Variants in MAN2C1 observed in about 807,000 individuals in gnomAD.
MAN2C1 encodes the protein mannosidase alpha class 2C member 1.
MAN2C1 carries 111 observed loss-of-function variants against 126.9 expected under a neutral mutation model. The observed-to-expected ratio is 0.87, with a 90% CI of 0.75 to 1.02. The LOEUF (loss-of-function observed/expected upper bound fraction) is 1.02, where lower values mean the gene tolerates loss of function less well. MAN2C1 is among the 50% of genes least tolerant of loss of function. MAN2C1 has a pLI of 0.00. For synonymous variants in MAN2C1, 567 were observed against 561.5 expected (o/e 1.01, Z -0.14); for missense variants, 1,363 against 1,364.4 (o/e 1.00, Z 0.02).
chr15:75,360,962 G>A, intron 12 of MAN2C1, 84 bp downstream of exon 12: 2 of 1,491,012 alleles, frequency 1.3e-6, no homozygotes, highest in East Asian at 4.9e-5. Context: ...CCAGAGGAGG[G>A]GTTGGGCCCA....
intron 6 of MAN2C1, chr15:75,363,308 T>C (rs2072512912): frequency 2.2e-6 from 1 of 456,044 alleles, no homozygotes; most frequent in Admixed American, 2.3e-5. Flanking sequence ...AAAATGTGGA[T>C]TTCCCGTAAA....
intron 1 of MAN2C1, 125 bp from the exon 2 acceptor site, chr15:75,368,323 GCA>G (rs963184327): frequency 5.4e-5 from 79 of 1,454,816 alleles, no homozygotes; most frequent in Non-Finnish European, 6.8e-5. Context: ...CCGCTCCGCG[GCA>G]CAGTCCATTC....
rs760389382 is a variant in MAN2C1, at chr15:75,361,113, C to T, written c.1393G>A (p.Gly465Ser). 4 of 1,612,958 alleles carry T rather than the reference C, an allele frequency of 2.5e-6. No individual in the cohort carries two copies. In the African/African-American group the frequency reaches 5.3e-5, roughly 22 times the overall value. The change falls in exon 12 of 26, where the codon GGT (glycine) becomes AGT (serine). Residue 465 changes from glycine (G) to serine (S), a missense_variant. Physicochemically the swap from Gly to Ser is moderately conservative, Grantham distance 56. Transcript: ENST00000267978. This position sits in a 1 kb window ranked among gnomAD's most constrained non-coding sequence, Gnocchi z 5.0. ...AGCATGGTCTGGGTGGGGCCACCAC[C>T]CCCATCCCCAAAGCCAAAGAGGAAG... ...SAFLFGFGDG[G>S]GGPTQTMLDR...
At position 75,362,716 on chromosome 15, in the gene MAN2C1, T is replaced by G; in HGVS notation, c.823A>C (p.Lys275Gln). 6.2e-7 allele frequency: 1 copy of G among 1,614,104 alleles called. No individual in the cohort carries two copies. The highest frequency in any genetic ancestry group is 8.5e-7 in the Non-Finnish European group (1 of 1,180,000). The change falls in exon 7 of 26, where the codon AAA (lysine) becomes CAA (glutamine). Residue 275 changes from lysine to glutamine, a missense_variant. By Grantham distance (53) the Lys-to-Gln change is moderately conservative. Coordinates refer to ENST00000267978, the MANE Select transcript of MAN2C1 (RefSeq NM_006715.4). The surrounding 1 kb of genome is among the most constrained non-coding windows in gnomAD (Gnocchi z 4.5). Reference protein sequence around the residue: ...WLWPFKETVRKCARSWVTALQ... With the variant: ...WLWPFKETVRQCARSWVTALQ... ...GCGGTCACCCAGCTCCGGGCACATTTCCTCACAGTCTCTTTGAAGGGCCAA... is the reference window on the plus strand; with the variant it reads ...GCGGTCACCCAGCTCCGGGCACATTGCCTCACAGTCTCTTTGAAGGGCCAA...
rs1243683105 is a variant in MAN2C1, at chr15:75,362,649, C to T, written c.890G>A (p.Cys297Tyr). 3 of 1,614,010 alleles carry T rather than the reference C, an allele frequency of 1.9e-6. No individual in the cohort carries two copies. The highest frequency in any genetic ancestry group is 1.7e-5 in the Admixed American group (1 of 60,022). The change falls in exon 7 of 26, where the codon TGC becomes TAC. Residue 297 changes from cysteine (C) to tyrosine (Y), a missense_variant. Cys to Tyr is a radical substitution (Grantham distance 194). This residue lies in a region of MAN2C1 where 628 missense variants were observed against 609.8 expected (regional missense o/e 1.03). Coordinates refer to ENST00000267978, the MANE Select transcript of MAN2C1 (RefSeq NM_006715.4). This position sits in a 1 kb window ranked among gnomAD's most constrained non-coding sequence, Gnocchi z 4.5. ...CACAGCTGTCCCTCTGACCTGGGAG[C>T]AGGCAAAGATGAACTCAGGGTTCCG... ...MERNPEFIFA[C>Y]SQAQQLEWVK...
Position 75,356,981 on chromosome 15 carries a change from G to T in MAN2C1, c.2548-79C>A. The T allele has an allele frequency of 1.7e-6, 2 of 1,189,844 alleles. No individual in the cohort carries two copies. The highest frequency in any genetic ancestry group is 1.2e-6 in the Non-Finnish European group (1 of 811,392). The allele number at this position is 1,189,844 out of a possible 1,614,324, so 73.7% of individuals were successfully genotyped here. ...CCAGACTCCAGAGCTCCTGTCACTAGGCCGAGCACAAGCTCTAGAACCACA... is the reference window on the plus strand; with the variant it reads ...CCAGACTCCAGAGCTCCTGTCACTATGCCGAGCACAAGCTCTAGAACCACA... On this transcript the variant is annotated intron_variant, in intron 21 of 25. Transcript: ENST00000267978. This position sits in a 1 kb window ranked among gnomAD's most constrained non-coding sequence, Gnocchi z 5.8.
At chr15:75,358,111 A>C in intron 21 of MAN2C1, 90 bp downstream of exon 21, 1 of 1,504,988 alleles carries the variant, frequency 6.6e-7, no homozygotes, top group Admixed American at 1.7e-5. Context: ...GCAAATGTTG[A>C]TTATCCTCTT....
rs141792967 is a variant in MAN2C1 at position 75,364,541 on chromosome 15, G to A, written c.547C>T (p.Arg183Trp). The A allele has an allele frequency of 3.5e-5, 56 of 1,608,120 alleles. No homozygotes were observed. Among genetic ancestry groups the A allele is most frequent in the East Asian group, 6.7e-5 (3 of 44,554 alleles). ...LSRAELAVFH[R>W]DVHMLLVDLE... The stretch of plus-strand genomic sequence containing the variant: ...TCCACCAGGAGCATGTGGACATCCC[G>A]GTGGAACACAGCTAGCTCAGCCCGG... The change falls in exon 5 of 26, where the codon CGG (arginine) becomes TGG (tryptophan). Residue 183 changes from arginine (R) to tryptophan (W), a missense_variant. By Grantham distance (101) the Arg-to-Trp change is moderately radical. Coordinates refer to ENST00000267978, the MANE Select transcript of MAN2C1 (RefSeq NM_006715.4).
intron 18 of MAN2C1, 121 bp from the exon 19 acceptor site, chr15:75,358,929 T>G: frequency 7.0e-7 from 1 of 1,429,272 alleles, no homozygotes; most frequent in Non-Finnish European, 9.7e-7. Context: ...CAGCCTGCCC[T>G]GCTCCATGTG....
intron 6 of MAN2C1, chr15:75,363,303 G>A (rs1238034139): frequency 2.2e-6 from 1 of 456,092 alleles, no homozygotes; most frequent in Admixed American, 2.3e-5. Flanking sequence ...TGTTAAAAAT[G>A]TGGATTTCCC....
chr15:75,358,741 C>G lies in MAN2C1; in HGVS notation c.2209G>C (p.Asp737His). The change falls in exon 19 of 26, where the codon GAT (aspartate) becomes CAT (histidine). Residue 737 changes from aspartate (D) to histidine (H), a missense_variant. By Grantham distance (81) the Asp-to-His change is moderately conservative. This residue lies in a region of MAN2C1 where 668 missense variants were observed against 650.1 expected (regional missense o/e 1.03). Transcript: ENST00000267978. ...TGGTAGTCCATGACGTCCCATGCAT[C>G]CCAGTACAAGGGGACATCATCAAAT... is the stretch of plus-strand genomic sequence containing the variant. ...VLFDDVPLYW[D>H]AWDVMDYHLE... The G allele has an allele frequency of 2.5e-6, 4 of 1,608,102 alleles. No homozygotes were observed. Among genetic ancestry groups the G allele is most frequent in the Non-Finnish European group, 3.4e-6 (4 of 1,175,994 alleles).
Position 75,358,746 on chromosome 15 carries a change from T to C in MAN2C1, c.2204A>G (p.Tyr735Cys), listed in dbSNP as rs202052221. 9.3e-5 allele frequency: 150 copies of C among 1,613,378 alleles called. No individual in the cohort carries two copies. The highest frequency in any genetic ancestry group is 1.2e-4 in the Non-Finnish European group (145 of 1,179,864). The change falls in exon 19 of 26, where the codon TAC becomes TGC. Residue 735 changes from tyrosine (Y) to cysteine (C), a missense_variant. Physicochemically the swap from Tyr to Cys is radical, Grantham distance 194 (BLOSUM62 -2). Around this residue, in one of 3 missense-constraint regions of MAN2C1, gnomAD observed 668 missense variants for 650.1 expected, o/e 1.03. Transcript: ENST00000267978. Reference sequence around the variant, plus strand: ...GTCCATGACGTCCCATGCATCCCAGTACAAGGGGACATCATCAAATAGCAC... The same window carrying C: ...GTCCATGACGTCCCATGCATCCCAGCACAAGGGGACATCATCAAATAGCAC... ...QFVLFDDVPLYWDAWDVMDYH... is the reference protein window; with the variant it reads ...QFVLFDDVPLCWDAWDVMDYH...
At position 75,357,896 on chromosome 15, in the gene MAN2C1, G is replaced by T. The variant is rs148395984; in HGVS notation, c.2547+305C>A. The T allele has an allele frequency of 9.6e-3, 3,200 of 334,504 alleles. 92 individuals carry two copies. Among genetic ancestry groups the T allele is most frequent in the African/African-American group, 0.064 (3,014 of 47,396 alleles). 20.7% of individuals were successfully genotyped at this position (334,504 alleles called of 1,614,324 possible). ...AGCCTCCCAAACTGCTGGGATTACAGGCGTGAGTCACCACGCCCGGCCCAA... is the reference window on the plus strand; with the variant it reads ...AGCCTCCCAAACTGCTGGGATTACATGCGTGAGTCACCACGCCCGGCCCAA... On this transcript the variant is annotated intron_variant, in intron 21 of 25. Coordinates refer to ENST00000267978, the MANE Select transcript of MAN2C1 (RefSeq NM_006715.4).
Position 75,362,188 on chromosome 15 carries a change from A to G in MAN2C1, c.1008+155T>C. The G allele has an allele frequency of 1.4e-6, 1 of 714,172 alleles. No individual in the cohort carries two copies. Among genetic ancestry groups the G allele is most frequent in the Non-Finnish European group, 2.4e-6 (1 of 420,232 alleles). 44.2% of individuals were successfully genotyped at this position (714,172 alleles called of 1,614,324 possible). The stretch of plus-strand genomic sequence containing the variant: ...AGGCTCTCCTCCCCCTTGAAGTCCC[A>G]GGCCTTGAGATCCCAGGGACTAATG... On this transcript the variant is annotated intron_variant, in intron 8 of 25. Coordinates refer to ENST00000267978, the MANE Select transcript of MAN2C1 (RefSeq NM_006715.4). The surrounding 1 kb of genome is among the most constrained non-coding windows in gnomAD (Gnocchi z 4.5).
intron 2 of MAN2C1, 151 bp from the exon 3 acceptor site, chr15:75,367,785 G>T: frequency 9.5e-7 from 1 of 1,048,376 alleles, no homozygotes; most frequent in Non-Finnish European, 1.4e-6. Context: ...GAGCAACAAG[G>T]TGAGAAGCAA....
rs747425562 is a variant in MAN2C1 at position 75,355,967 on chromosome 15, A to G, written c.3062T>C (p.Leu1021Pro). 1 of 1,614,138 alleles carries G rather than the reference A, an allele frequency of 6.2e-7. No homozygotes were observed. Among genetic ancestry groups the G allele is most frequent in the East Asian group, 2.2e-5 (1 of 44,878 alleles). Residue 1021 changes from leucine (L) to proline (P), a missense_variant, in exon 26 of 26, where the codon CTC becomes CCC. By Grantham distance (98) the Leu-to-Pro change is moderately conservative. Around this residue, in one of 3 missense-constraint regions of MAN2C1, gnomAD observed 668 missense variants for 650.1 expected, o/e 1.03. Coordinates refer to ENST00000267978, the MANE Select transcript of MAN2C1 (RefSeq NM_006715.4). ...CAGCACTTGGAAGGGAGAAAAGGTG[A>G]GCTTCAGGCGGTTGTCCCGAAGGGT... ...HLTLRDNRLK[L>P]TFSPFQVLSL... is the part of the protein sequence containing the mutation.
chr15:75,361,355 C>G lies in MAN2C1; in HGVS notation c.1245G>C (p.Leu415=). ...FPHHTFFWEG[L]DGSRVLVHFP... ...AGTGGACCAGTACACGGGAGCCATC[C>G]AGGCCCTCCCAGAAAAATGTATGGT... is the stretch of plus-strand genomic sequence containing the variant. Residue 415 remains leucine (L), a synonymous_variant, in exon 11 of 26, where the codon CTG becomes CTC. Transcript: ENST00000267978. This position sits in a 1 kb window ranked among gnomAD's most constrained non-coding sequence, Gnocchi z 5.0. 6.4e-7 allele frequency: 1 copy of G among 1,564,522 alleles called. No individual in the cohort carries two copies. Among genetic ancestry groups the G allele is most frequent in the East Asian group, 2.4e-5 (1 of 42,268 alleles).
rs529270847 is a variant in MAN2C1, at chr15:75,358,580, C to T, written c.2285G>A (p.Gly762Asp). 1.2e-6 allele frequency: 2 copies of T among 1,613,326 alleles called. No individual in the cohort carries two copies. The highest frequency in any genetic ancestry group is 1.7e-5 in the Admixed American group (1 of 60,018). Residue 762 changes from glycine (G) to aspartate (D), a missense_variant, in exon 20 of 26, where the codon GGC (glycine) becomes GAC (aspartate). By Grantham distance (94) the Gly-to-Asp change is moderately conservative. Coordinates refer to ENST00000267978, the MANE Select transcript of MAN2C1 (RefSeq NM_006715.4). ...GCTGCCCCGCAGGCCGCCCTCGGTG[C>T]CCACTGCCAGGGTCCCTGCCTGGCC... ...VLGQAGTLAVGTEGGLRGSAW... is the reference protein window; with the variant it reads ...VLGQAGTLAVDTEGGLRGSAW...
rs3803467 is a variant in MAN2C1, at chr15:75,356,339, C to A, written c.2848G>T (p.Val950Leu). 2 of 1,612,374 alleles carry A rather than the reference C, an allele frequency of 1.2e-6. No individual in the cohort carries two copies. Among genetic ancestry groups the A allele is most frequent in the African/African-American group, 1.3e-5 (1 of 74,840 alleles). Residue 950 changes from valine (V) to leucine (L), a missense_variant, in exon 24 of 26, where the codon GTG becomes TTG. Physicochemically the swap from Val to Leu is conservative, Grantham distance 32. Transcript: ENST00000267978. The surrounding 1 kb of genome is among the most constrained non-coding windows in gnomAD (Gnocchi z 5.8). ...TCCAATACGACCGCGGGTGAAGACACGGAAAACGCACTCCAGGAGGTGGCG... is the reference window on the plus strand; with the variant it reads ...TCCAATACGACCGCGGGTGAAGACAAGGAAAACGCACTCCAGGAGGTGGCG... ...APATSWSAFS[V>L]SSPAVVLETV...
Sources: allele counts gnomAD v4.1 joint callset, GRCh38; gene constraint gnomAD v4.1.1; regional missense constraint gnomAD v4.1.1; non-coding constraint Gnocchi (gnomAD v3.1); transcripts MANE v1.5; gene names NCBI Gene and HGNC (gene_info 2026-07-23, HGNC 2026-07-21).